The following NDST1 variants were observed in gnomAD, a reference collection of about 807,000 sequenced individuals.
The protein encoded by NDST1 is bifunctional heparan sulfate N-deacetylase/N-sulfotransferase 1.
A neutral mutation model predicts 92.8 loss-of-function variants in NDST1; 35 were observed. That is an observed-to-expected ratio of 0.38 (90% CI 0.29 to 0.50). The LOEUF is 0.50. NDST1 is among the 20% of genes least tolerant of loss of function. The pLI is 0.94. For synonymous variants in NDST1, 493 were observed against 500.3 expected, an observed-to-expected ratio of 0.99 and a Z score of 0.19; for missense variants, 822 against 1,182.7, an observed-to-expected ratio of 0.69 and a Z score of 4.47.
At position 150,557,118 on chromosome 5, in the gene NDST1, C is replaced by T. The variant is rs944868653; in HGVS notation, c.*3786C>T. The T allele has an allele frequency of 3.0e-4, 46 of 152,652 alleles. No individual in the cohort carries two copies. The highest frequency in any genetic ancestry group is 4.4e-5 in the Non-Finnish European group (3 of 68,032). 9.5% of individuals were successfully genotyped at this position (152,652 alleles called of 1,614,324 possible). Reference sequence around the variant, plus strand: ...GACAGCTTCACTTCTGCCTAAGATGCGCCTCCACTGTCACCTGTACCAAGT... The same window carrying T: ...GACAGCTTCACTTCTGCCTAAGATGTGCCTCCACTGTCACCTGTACCAAGT... On this transcript the variant is annotated 3_prime_UTR_variant, in exon 15 of 15. Transcript: ENST00000261797. This position sits in a 1 kb window ranked among gnomAD's most constrained non-coding sequence, Gnocchi z 4.7.
At chr5:150,533,601 TCTG>T (rs1330266633) in intron 4 of NDST1, among the ~76,000 whole-genome samples, 1 of 152,160 alleles carries the variant, frequency 6.6e-6, no homozygotes. Flanking sequence ...CAGCTGGTCA[TCTG>T]CAGTGACCAT....
rs774028648 is a variant in NDST1, at chr5:150,542,883, C to G, written c.1882C>G (p.Pro628Ala). The change falls in exon 10 of 15, where the codon CCT (proline) becomes GCT (alanine). Residue 628 changes from proline (P) to alanine (A), a missense_variant. Physicochemically the swap from Pro to Ala is conservative, Grantham distance 27. Coordinates refer to ENST00000261797, the MANE Select transcript of NDST1 (RefSeq NM_001543.5). ...TALYLFLGMH[P>A]DLSSNYPSSE... ...CCTCTACCTGTTCCTGGGCATGCAC[C>G]CTGACCTAAGCAGCAACTACCCCAG... 6.2e-7 allele frequency: 1 copy of G among 1,614,172 alleles called. No homozygotes were observed.
upstream of NDST1, among the ~76,000 whole-genome samples, chr5:150,503,195 C>T (rs985181455): frequency 2.2e-4 from 33 of 152,288 alleles, no homozygotes; most frequent in African/African-American, 7.9e-4. Context: ...GTAATCCCAG[C>T]ACTTTGGGAG....
chr5:150,534,805 A>G, intron 4 of NDST1, 62 bp from the exon 5 acceptor site: 2 of 1,607,602 alleles, frequency 1.2e-6, no homozygotes, highest in Admixed American at 3.3e-5. Flanking sequence ...CCCCAGGCAC[A>G]GGCCCAGGTT....
intron 1 of NDST1, among the ~76,000 whole-genome samples, chr5:150,519,589 G>A (rs1754146707): frequency 6.6e-6 from 1 of 152,142 alleles, no homozygotes; most frequent in African/African-American, 2.4e-5. Context: ...CCAGGAGGCT[G>A]AGGCAGGAGA....
intron 2 of NDST1, 88 bp from the exon 3 acceptor site, chr5:150,527,716 C>CA: frequency 6.3e-7 from 1 of 1,581,372 alleles, no homozygotes; most frequent in Non-Finnish European, 8.6e-7. Flanking sequence ...ATTGATACCA[C>CA]TGTTATGGTC....
At chr5:150,514,752 A>G (rs1581352982) in intron 1 of NDST1, among the ~76,000 whole-genome samples, 1 of 152,174 alleles carries the variant, frequency 6.6e-6, no homozygotes. Flanking sequence ...GGTGGTTTCC[A>G]TGTGACTGTG....
intron 11 of NDST1, among the ~76,000 whole-genome samples, chr5:150,547,327 G>T (rs748628474): frequency 6.6e-6 from 1 of 152,208 alleles, no homozygotes. Context: ...GAAGGAGGTC[G>T]GGACGAGGAG....
chr5:150,527,383 C>T (rs1402557250), intron 2 of NDST1, among the ~76,000 whole-genome samples: 1 of 152,196 alleles, frequency 6.6e-6, no homozygotes, highest in Non-Finnish European at 1.5e-5. Flanking sequence ...TGTTCTTAGC[C>T]ACATTTTACA....
Position 150,557,655 on chromosome 5 carries a change from AG to A in NDST1, c.*4328del, listed in dbSNP as rs1755896942. ...CTCTGCTCTAGTTGATGTGAGGATG[AG>A]GGGGCGGCCTAGACCCCCTGCTGCC... is the stretch of plus-strand genomic sequence containing the variant. On this transcript the variant is annotated 3_prime_UTR_variant, in exon 15 of 15. Coordinates refer to ENST00000261797, the MANE Select transcript of NDST1 (RefSeq NM_001543.5). The surrounding 1 kb of genome is among the most constrained non-coding windows in gnomAD (Gnocchi z 4.7). The A allele has an allele frequency of 2.0e-5, 3 of 152,262 alleles. No individual in the cohort carries two copies. The South Asian group carries it at 6.2e-4, about 32-fold the overall frequency. 9.4% of individuals were successfully genotyped at this position (152,262 alleles called of 1,614,324 possible). A position where few individuals can be genotyped will look rare whatever the true frequency, so the allele number is the denominator to read the frequency against.
chr5:150,525,532 C>CT (rs1754434186), intron 2 of NDST1, among the ~76,000 whole-genome samples: 1 of 152,264 alleles, frequency 6.6e-6, no homozygotes, highest in East Asian at 1.9e-4. Flanking sequence ...GGGGAGGTAG[C>CT]TGAGGACTGG....
intron 6 of NDST1, 50 bp from the exon 7 acceptor site, chr5:150,539,178 A>C: frequency 6.9e-7 from 1 of 1,444,568 alleles, no homozygotes; most frequent in Non-Finnish European, 9.7e-7. Context: ...TCCTCCCACC[A>C]CCCTCATGCC....
chr5:150,517,594 C>T (rs557048942), intron 1 of NDST1, among the ~76,000 whole-genome samples: 11 of 152,340 alleles, frequency 7.2e-5, no homozygotes, highest in Middle Eastern at 3.4e-3. Context: ...TCGTCTCATA[C>T]ACAGTAGTTT....
intron 2 of NDST1, among the ~76,000 whole-genome samples, chr5:150,526,455 G>T (rs1754482128): frequency 6.6e-6 from 1 of 152,196 alleles, no homozygotes; most frequent in Non-Finnish European, 1.5e-5. Context: ...ATCTATGCCA[G>T]GTACTAGAGA....
Position 150,545,471 on chromosome 5 carries a change from C to T in NDST1, c.2130C>T (p.Ala710=). 1.9e-6 allele frequency: 3 copies of T among 1,614,248 alleles called. No individual in the cohort carries two copies. Among genetic ancestry groups the T allele is most frequent in the Non-Finnish European group, 2.5e-6 (3 of 1,180,044 alleles). Residue 710 remains alanine (A), a synonymous_variant, in exon 11 of 15, where the codon GCC becomes GCT. Transcript: ENST00000261797. ...TCCTCATCAACCCCGCGGACCGGGC[C>T]TATTCCTGGTACCAGGTGAGTGGGG... ...LTILINPADR[A]YSWYQHQRAH...
chr5:150,534,812 G>C lies in NDST1; in HGVS notation c.1097-55G>C, dbSNP rs967441526. On this transcript the variant is annotated intron_variant, in intron 4 of 14. Transcript: ENST00000261797. ...TCTCCCATCCCCAGGCACAGGCCCA[G>C]GTTAGAGGGCCTCATGGCCCAGTGG... 21 of 1,610,248 alleles carry C rather than the reference G, an allele frequency of 1.3e-5. No homozygotes were observed. In the African/African-American group the frequency reaches 2.7e-4, roughly 20 times the overall value.
At chr5:150,505,613 G>A (rs545451646), upstream of NDST1, among the ~76,000 whole-genome samples, 63 of 152,252 alleles carry the variant, frequency 4.1e-4, no homozygotes, top group Non-Finnish European at 6.8e-4. Flanking sequence ...CACTGACAAC[G>A]TGGTGACTGA....
upstream of NDST1, among the ~76,000 whole-genome samples, chr5:150,504,389 C>A (rs1189693977): frequency 6.6e-6 from 1 of 152,250 alleles, no homozygotes; most frequent in Non-Finnish European, 1.5e-5. Flanking sequence ...ATATCTGCCA[C>A]TCCCCTCTGT....
chr5:150,524,693 C>G (rs559719993), intron 2 of NDST1, among the ~76,000 whole-genome samples: 1 of 152,318 alleles, frequency 6.6e-6, no homozygotes, highest in South Asian at 2.1e-4. Flanking sequence ...TTGAGTGTCC[C>G]TTGTCTGAAA....
Sources: gnomAD v4.1 joint callset for allele counts (sites outside exome capture counted in the v4.1 genomes callset) on GRCh38, gnomAD v4.1.1 for gene constraint, Gnocchi (gnomAD v3.1) non-coding constraint, MANE v1.5 for transcripts, NCBI Gene and HGNC (gene_info 2026-07-23, HGNC 2026-07-21) for gene names.